The following FBXL19 variants were observed in gnomAD, a reference collection of about 807,000 sequenced individuals.
FBXL19 encodes the protein F-box/LRR-repeat protein 19.
Under a neutral mutation model 71.2 loss-of-function variants are expected in FBXL19, and 16 were observed. That is an observed-to-expected ratio of 0.22 (90% CI 0.15 to 0.34). The LOEUF (loss-of-function observed/expected upper bound fraction) is 0.34. Among genes scored for constraint, FBXL19 ranks in the 10% least tolerant of loss-of-function variants. The pLI is 1.00. For synonymous variants in FBXL19, 447 were observed against 409.4 expected (o/e 1.09, Z -1.11); for missense variants, 658 against 968.2 (o/e 0.68, Z 4.25).
rs2055875139 is a variant in FBXL19, at chr16:30,947,601, G to A, written c.*371G>A. ...GATATGGGAGCCAGGGGCTGGGGGA[G>A]GTGGAAGGGGCGGGGGGCGGGGCAG... On this transcript the variant is annotated 3_prime_UTR_variant, in exon 11 of 11. Coordinates refer to ENST00000338343, the MANE Select transcript of FBXL19 (RefSeq NM_001382779.1). 9.6e-6 allele frequency: 3 copies of A among 311,328 alleles called. No individual in the cohort carries two copies. The highest frequency in any genetic ancestry group is 7.6e-5 in the South Asian group (3 of 39,428). 19.3% of individuals were successfully genotyped at this position (311,328 alleles called of 1,614,324 possible).
rs1293563013 is a variant in FBXL19 at position 30,948,264 on chromosome 16, C to G, written c.*1034C>G. On this transcript the variant is annotated 3_prime_UTR_variant, in exon 11 of 11. Transcript: ENST00000338343. ...CTCCTCCAGCCTGGCTCTTCCCACT[C>G]TTTCATCGTCATGGAAACTTGTATC... The G allele has an allele frequency of 6.5e-6, 1 of 153,796 alleles. No individual in the cohort carries two copies. Among genetic ancestry groups the G allele is most frequent in the Non-Finnish European group, 1.5e-5 (1 of 68,714 alleles). 9.5% of individuals were successfully genotyped at this position (153,796 alleles called of 1,614,324 possible).
At chr16:30,923,203 A>T (rs1263999732), upstream of FBXL19, 1 of 456,342 alleles carries the variant, frequency 2.2e-6, no homozygotes, top group East Asian at 7.0e-5. Flanking sequence ...AGTGCCTGGG[A>T]AGGAGGTCGG....
Position 30,947,248 on chromosome 16 carries a change from TC to T in FBXL19, c.*23del. ...ACAGCTAGTTGGGCGCCCCCCACCC[TC>T]CCCCGGACTCGACAGGAGCCTGGAC... is the stretch of plus-strand genomic sequence containing the variant. On this transcript the variant is annotated 3_prime_UTR_variant, in exon 11 of 11. Transcript: ENST00000338343. 2 of 1,245,374 alleles carry T rather than the reference TC, an allele frequency of 1.6e-6. No homozygotes were observed. The highest frequency in any genetic ancestry group is 2.1e-6 in the Non-Finnish European group (2 of 942,870). 77.1% of individuals were successfully genotyped at this position (1,245,374 alleles called of 1,614,324 possible). A position where few individuals can be genotyped will look rare whatever the true frequency, so the allele number is the denominator to read the frequency against.
intron 7 of FBXL19, among the ~76,000 whole-genome samples, chr16:30,941,297 G>A (rs2055799794): frequency 6.6e-6 from 1 of 152,100 alleles, no homozygotes; most frequent in Admixed American, 6.6e-5. Flanking sequence ...GCAACATAGT[G>A]AGACCCTGTC....
chr16:30,941,589 G>A (rs2055803124), intron 7 of FBXL19, among the ~76,000 whole-genome samples: 1 of 152,232 alleles, frequency 6.6e-6, no homozygotes, highest in Admixed American at 6.5e-5. Flanking sequence ...GCTGCGGGCA[G>A]CTGGCTGTCA....
intron 2 of FBXL19, among the ~76,000 whole-genome samples, chr16:30,926,237 G>A (rs1227499906): frequency 1.3e-5 from 2 of 152,266 alleles, no homozygotes; most frequent in Non-Finnish European, 2.9e-5. Context: ...CTGTGCAGGA[G>A]GGGGCCCATC....
rs2055612501 is a variant in FBXL19 at position 30,927,809 on chromosome 16, G to A, written c.473G>A (p.Ser158Asn). The A allele has an allele frequency of 2.6e-6, 4 of 1,550,706 alleles. No homozygotes were observed. The highest frequency in any genetic ancestry group is 3.5e-6 in the Non-Finnish European group (4 of 1,147,870). The stretch of plus-strand genomic sequence containing the variant: ...GGCGAGGAGGGCGCCAGCTTGGGGA[G>A]CGGATGGAAGCTGACAGAGGAGCCA... ...DNGEEGASLG[S>N]GWKLTEEPPL... is the part of the protein sequence containing the mutation. The change falls in exon 5 of 11, where the codon AGC becomes AAC. Residue 158 changes from serine to asparagine, a missense_variant. Physicochemically the swap from Ser to Asn is conservative, Grantham distance 46. Coordinates refer to ENST00000338343, the MANE Select transcript of FBXL19 (RefSeq NM_001382779.1).
intron 7 of FBXL19, among the ~76,000 whole-genome samples, chr16:30,933,822 G>A (rs905182942): frequency 6.2e-5 from 9 of 144,288 alleles, no homozygotes; most frequent in African/African-American, 1.0e-4. Context: ...GCATGATCTC[G>A]GCTCGCCACA....
chr16:30,924,556 C>G, intron 1 of FBXL19, 97 bp downstream of exon 1: 2 of 1,325,726 alleles, frequency 1.5e-6, no homozygotes, highest in Non-Finnish European at 1.9e-6. Flanking sequence ...CGCCCCCAGC[C>G]TCACCCTCTC....
chr16:30,936,058 T>C (rs1362092909), intron 7 of FBXL19, among the ~76,000 whole-genome samples: 1 of 152,320 alleles, frequency 6.6e-6, no homozygotes, highest in Non-Finnish European at 1.5e-5. Context: ...TTCCCTGAGC[T>C]GTGTCCCTTC....
At chr16:30,940,773 T>A (rs1036408001) in intron 7 of FBXL19, among the ~76,000 whole-genome samples, 1 of 152,066 alleles carries the variant, frequency 6.6e-6, no homozygotes, top group African/African-American at 2.4e-5. Flanking sequence ...TTCAAGTAAT[T>A]CTCCTGCCTC....
chr16:30,929,262 C>T (rs536997952), intron 6 of FBXL19, among the ~76,000 whole-genome samples: 1 of 152,174 alleles, frequency 6.6e-6, no homozygotes, highest in South Asian at 2.1e-4. Flanking sequence ...CTTTAAGCCT[C>T]GGTTTCCTCA....
At chr16:30,932,985 C>CT (rs1453391271) in intron 7 of FBXL19, among the ~76,000 whole-genome samples, 1 of 151,466 alleles carries the variant, frequency 6.6e-6, no homozygotes. Flanking sequence ...GGACTACAAG[C>CT]ACCCACCACC....
In FBXL19 at chr16:30,931,016, G is replaced by A. The variant is rs553525985; in HGVS notation, c.1301+432G>A. Among the ~76,000 whole-genome samples the A allele has an allele frequency of 1.6e-4, 24 of 152,192 alleles. No homozygotes were observed. The South Asian group carries it at 4.6e-3, about 29-fold the overall frequency. ...CTGCCACTTCCGAAAACAGTCTGAC[G>A]ATTGGTTCCATTCACTTAGGAGAAC... On this transcript the variant is annotated intron_variant, in intron 7 of 10. Transcript: ENST00000338343.
chr16:30,928,400 G>C, intron 5 of FBXL19, 67 bp from the exon 6 acceptor site: 9 of 1,437,876 alleles, frequency 6.3e-6, no homozygotes, highest in South Asian at 1.5e-5. Flanking sequence ...ATGGACCTTA[G>C]ATTTCTGGCC....
chr16:30,939,771 C>G (rs977531783), intron 7 of FBXL19, among the ~76,000 whole-genome samples: 1 of 151,924 alleles, frequency 6.6e-6, no homozygotes, highest in Admixed American at 6.6e-5. Context: ...AATCATGTTA[C>G]GCAGATAAGT....
chr16:30,947,950 C>G lies in FBXL19; in HGVS notation c.*720C>G. ...GGGCAGCCGCTCTTCAGCTCGCGGC[C>G]CAGGGGAGTGGCGAGGGGCGCCCCA... On this transcript the variant is annotated 3_prime_UTR_variant, in exon 11 of 11. Coordinates refer to ENST00000338343, the MANE Select transcript of FBXL19 (RefSeq NM_001382779.1). 2.3e-6 allele frequency: 1 copy of G among 436,228 alleles called. No individual in the cohort carries two copies. Among genetic ancestry groups the G allele is most frequent in the Non-Finnish European group, 4.6e-6 (1 of 217,906 alleles). 27.0% of individuals were successfully genotyped at this position (436,228 alleles called of 1,614,324 possible). A position where few individuals can be genotyped will look rare whatever the true frequency, so the allele number is the denominator to read the frequency against.
At position 30,948,585 on chromosome 16, in the gene FBXL19, C is replaced by T. The variant is rs1596660613; in HGVS notation, c.*1355C>T. ...ATACCTCAGGTAACAGGGAGGTGCG[C>T]GGGTGGGGGGAGGGCTGGGCGGACC... On this transcript the variant is annotated 3_prime_UTR_variant, in exon 11 of 11. Coordinates refer to ENST00000338343, the MANE Select transcript of FBXL19 (RefSeq NM_001382779.1). 1 of 5,028 alleles carries T rather than the reference C, an allele frequency of 2.0e-4. No individual in the cohort carries two copies. Among genetic ancestry groups the T allele is most frequent in the Admixed American group, 2.5e-3 (1 of 402 alleles). 0.3% of individuals were successfully genotyped at this position (5,028 alleles called of 1,614,324 possible). A position where few individuals can be genotyped will look rare whatever the true frequency, so the allele number is the denominator to read the frequency against.
chr16:30,947,140 C>G lies in FBXL19; in HGVS notation c.1935C>G (p.Leu645=), dbSNP rs1399142253. 1.9e-6 allele frequency: 3 copies of G among 1,600,304 alleles called. No individual in the cohort carries two copies. The highest frequency in any genetic ancestry group is 2.5e-6 in the Non-Finnish European group (3 of 1,179,446). ...RRLDLRSCRQ[L]SPEACARLAA... ...TAGACCTGCGCTCCTGCCGCCAGCTCTCACCCGAAGCTTGTGCCCGGCTGG... is the reference window on the plus strand; with the variant it reads ...TAGACCTGCGCTCCTGCCGCCAGCTGTCACCCGAAGCTTGTGCCCGGCTGG... The change falls in exon 11 of 11, where the codon CTC becomes CTG. Residue 645 remains leucine, a synonymous_variant. Coordinates refer to ENST00000338343, the MANE Select transcript of FBXL19 (RefSeq NM_001382779.1).
Sources: allele counts gnomAD v4.1 joint callset (sites outside exome capture counted in the v4.1 genomes callset), GRCh38; gene constraint gnomAD v4.1.1; transcripts MANE v1.5; gene names NCBI Gene and HGNC (gene_info 2026-07-23, HGNC 2026-07-21).